PLXNB3: variants seen among roughly 807,000 people sequenced by gnomAD.
PLXNB3 encodes plexin-B3.
Under a neutral mutation model 125.7 loss-of-function variants are expected in PLXNB3, and 80 were observed. The observed-to-expected ratio is 0.64, with a 90% confidence interval of 0.53 to 0.77. The LOEUF (loss-of-function observed/expected upper bound fraction) is 0.77, where lower values mean the gene tolerates loss of function less well. Ranked by LOEUF, PLXNB3 falls within the 30% of genes least tolerant of loss-of-function variation. The pLI is 0.00. For synonymous variants in PLXNB3, 954 were observed against 783.3 expected (o/e 1.22, Z -3.64); for missense variants, 1,836 against 1,729.3 (o/e 1.06, Z -1.09).
Position 153,778,343 on chromosome X carries a change from C to A in PLXNB3, c.5474+18C>A, listed in dbSNP as rs201352968. ...GTGGAGAGGTGGGTGTCAGAGGCATCGGGGCTGCGGGGAAGGGGGCTGCCC... is the reference window on the plus strand; with the variant it reads ...GTGGAGAGGTGGGTGTCAGAGGCATAGGGGCTGCGGGGAAGGGGGCTGCCC... On this transcript the variant is annotated intron_variant, in intron 33 of 35. Coordinates refer to ENST00000361971, the MANE Select transcript of PLXNB3 (RefSeq NM_005393.3). The A allele has an allele frequency of 2.7e-5, 32 of 1,205,435 alleles. 1 individual carries two copies. In the South Asian group the frequency reaches 5.7e-4, roughly 21 times the overall value.
chrX:153,778,194 T>TGGCAGC (rs1216220993), intron 32 of PLXNB3, 67 bp from the exon 33 acceptor site: 1 of 1,192,236 alleles, frequency 8.4e-7, no homozygotes, highest in Non-Finnish European at 1.1e-6. Flanking sequence ...GGGTGGGCAG[T>TGGCAGC]GGCAGCATCA....
chrX:153,778,365 G>T lies in PLXNB3; in HGVS notation c.5475-31G>T, dbSNP rs200254509. Reference sequence around the variant, plus strand: ...CATCGGGGCTGCGGGGAAGGGGGCTGCCCCACCCCTAACGAAGTCTGCTCC... The same window carrying T: ...CATCGGGGCTGCGGGGAAGGGGGCTTCCCCACCCCTAACGAAGTCTGCTCC... On this transcript the variant is annotated intron_variant, in intron 33 of 35. Coordinates refer to ENST00000361971, the MANE Select transcript of PLXNB3 (RefSeq NM_005393.3). The T allele has an allele frequency of 3.1e-5, 38 of 1,207,372 alleles. No individual in the cohort carries two copies. In the Admixed American group the frequency reaches 5.9e-4, roughly 19 times the overall value.
chrX:153,773,365 C>A lies in PLXNB3; in HGVS notation c.3042C>A (p.Asn1014Lys). The part of the protein sequence containing the change: ...LLASPFRYTA[N>K]PQLVAAEPSA... ...CCAGCCCCTTCCGCTACACCGCCAA[C>A]CCCCAGCTTGTAGCGGCGGAGCCCA... Residue 1014 changes from asparagine to lysine, a missense_variant, in exon 18 of 36, where the codon AAC becomes AAA. Physicochemically the swap from Asn to Lys is moderately conservative, Grantham distance 94. Coordinates refer to ENST00000361971, the MANE Select transcript of PLXNB3 (RefSeq NM_005393.3). The A allele has an allele frequency of 8.3e-7, 1 of 1,207,879 alleles. No individual in the cohort carries two copies. The highest frequency in any genetic ancestry group is 1.1e-6 in the Non-Finnish European group (1 of 893,730).
In PLXNB3 at chrX:153,775,326, G is replaced by A. The variant is rs146834242; in HGVS notation, c.4257G>A (p.Leu1419=). Residue 1419 remains leucine, a synonymous_variant, in exon 25 of 36, where the codon CTG becomes CTA. Coordinates refer to ENST00000361971, the MANE Select transcript of PLXNB3 (RefSeq NM_005393.3). ...CGCTACACGGCAAGCTGGAGTACCT[G>A]ACGGACATCATGAGGACCCTGCTGG... ...SLALHGKLEY[L]TDIMRTLLGD... is the part of the protein sequence containing the mutation. The A allele has an allele frequency of 4.1e-6, 5 of 1,210,746 alleles. No individual in the cohort carries two copies. Among genetic ancestry groups the A allele is most frequent in the Non-Finnish European group, 5.6e-6 (5 of 895,174 alleles).
rs782775126 is a variant in PLXNB3 at position 153,765,502 on chromosome X, A to C, written c.-34A>C. 8.5e-7 allele frequency: 1 copy of C among 1,178,794 alleles called. No individual in the cohort carries two copies. The highest frequency in any genetic ancestry group is 1.1e-6 in the Non-Finnish European group (1 of 878,269). ...GCCCCCCCGCAGCCATCTCATGCCC[A>C]TCGCCACTGCCCTGGGGCAGCTGAA... On this transcript the variant is annotated 5_prime_UTR_variant, in exon 2 of 36. Coordinates refer to ENST00000361971, the MANE Select transcript of PLXNB3 (RefSeq NM_005393.3).
At chrX:153,765,330 C>T (rs2148409542) in intron 1 of PLXNB3, 141 bp from the exon 2 acceptor site, 1 of 468,062 alleles carries the variant, frequency 2.1e-6, no homozygotes, top group Non-Finnish European at 3.7e-6. Flanking sequence ...GCAGGGCTGC[C>T]TTGGCCTGGC....
Position 153,766,881 on chromosome X carries a change from G to T in PLXNB3, c.54G>T (p.Val18=). The change falls in exon 3 of 36, where the codon GTG becomes GTT. Residue 18 remains valine (V), a synonymous_variant. Transcript: ENST00000361971. ...CCTGTGCCCTCTCACAGGCCCCCGT[G>T]ATGGCTCGCTGGCCTCCCTTCGGCC... is the stretch of plus-strand genomic sequence containing the variant. ...TPLLHHFMAP[V]MARWPPFGLC... is the part of the protein sequence containing the mutation. The T allele has an allele frequency of 8.3e-7, 1 of 1,198,520 alleles. No individual in the cohort carries two copies. The highest frequency in any genetic ancestry group is 1.8e-5 in the South Asian group (1 of 55,360).
Position 153,778,587 on chromosome X carries a change from G to A in PLXNB3, c.5551-13G>A, listed in dbSNP as rs781906230. On this transcript the variant is annotated splice_polypyrimidine_tract_variant and intron_variant, in intron 34 of 35. Transcript: ENST00000361971. ...CTGGGACCTCACTGCCCCCCTCCACGTGGTGCCCCCAGAACTACACTTCTG... is the reference window on the plus strand; with the variant it reads ...CTGGGACCTCACTGCCCCCCTCCACATGGTGCCCCCAGAACTACACTTCTG... 7 of 1,195,317 alleles carry A rather than the reference G, an allele frequency of 5.9e-6. No homozygotes were observed. The highest frequency in any genetic ancestry group is 3.5e-5 in the African/African-American group (2 of 57,045).
In PLXNB3 at chrX:153,767,217, G is replaced by A; in HGVS notation, c.390G>A (p.Val130=). ...TGAGCAGCCGCGCCCAGGAGCTGGTGGCCTGCGGGCAGGTGCGGCAGGGCG... is the reference window on the plus strand; with the variant it reads ...TGAGCAGCCGCGCCCAGGAGCTGGTAGCCTGCGGGCAGGTGCGGCAGGGCG... The part of the protein sequence containing the change: ...LLVSSRAQEL[V]ACGQVRQGVC... The change falls in exon 3 of 36, where the codon GTG becomes GTA. Residue 130 remains valine, a synonymous_variant. Transcript: ENST00000361971. 1 of 1,205,312 alleles carries A rather than the reference G, an allele frequency of 8.3e-7. No homozygotes were observed. The highest frequency in any genetic ancestry group is 1.1e-6 in the Non-Finnish European group (1 of 892,501).
Position 153,776,432 on chromosome X carries a change from G to C in PLXNB3, c.4806G>C (p.Lys1602Asn), listed in dbSNP as rs200030126. Residue 1602 changes from lysine (K) to asparagine (N), a missense_variant, in exon 28 of 36, where the codon AAG becomes AAC. Lys to Asn is a moderately conservative substitution (Grantham distance 94). Coordinates refer to ENST00000361971, the MANE Select transcript of PLXNB3 (RefSeq NM_005393.3). The part of the protein sequence containing the change: ...DLTSVTQNHW[K>N]RLNTLQHYKV... ...CCTCCGTGACCCAAAACCACTGGAA[G>C]AGACTCAACACCTTGCAACACTACA... 8.6e-7 allele frequency: 1 copy of C among 1,165,293 alleles called. No individual in the cohort carries two copies. Among genetic ancestry groups the C allele is most frequent in the Non-Finnish European group, 1.2e-6 (1 of 865,075 alleles).
chrX:153,776,411 C>A lies in PLXNB3; in HGVS notation c.4785C>A (p.Ser1595=). 8.4e-7 allele frequency: 1 copy of A among 1,188,653 alleles called. No individual in the cohort carries two copies. Among genetic ancestry groups the A allele is most frequent in the Non-Finnish European group, 1.1e-6 (1 of 883,996 alleles). ...CCCTATCGGACGAAGACTTGACCTCCGTGACCCAAAACCACTGGAAGAGAC... is the reference window on the plus strand; with the variant it reads ...CCCTATCGGACGAAGACTTGACCTCAGTGACCCAAAACCACTGGAAGAGAC... ...HLTLSDEDLT[S]VTQNHWKRLN... The change falls in exon 28 of 36, where the codon TCC becomes TCA. Residue 1595 remains serine, a synonymous_variant. Transcript: ENST00000361971.
At chrX:153,771,426 A>G (rs782152121) in intron 13 of PLXNB3, 23 bp downstream of exon 13, 3 of 1,206,126 alleles carry the variant, frequency 2.5e-6, no homozygotes, top group Admixed American at 4.3e-5. Context: ...GCAGCCAGGC[A>G]GGCGGGGCAG....
Position 153,769,068 on chromosome X carries a change from G to A in PLXNB3, c.1387G>A (p.Ala463Thr), listed in dbSNP as rs988278268. The A allele has an allele frequency of 2.5e-6, 3 of 1,208,373 alleles. No individual in the cohort carries two copies. Among genetic ancestry groups the A allele is most frequent in the Admixed American group, 2.2e-5 (1 of 45,884 alleles). The change falls in exon 5 of 36, where the codon GCC (alanine) becomes ACC (threonine). Residue 463 changes from alanine (A) to threonine (T), a missense_variant. Transcript: ENST00000361971. ...SSGSHLYVLT[A>T]HQVDRIPVAA... ...TGGCAGTCACCTCTATGTCCTGACT[G>A]CCCACCAGGTGAGGGCCATCCTGGG...
rs782602004 is a variant in PLXNB3, at chrX:153,774,500, G to A, written c.3759G>A (p.Glu1253=). 1.4e-5 allele frequency: 17 copies of A among 1,206,666 alleles called. No individual in the cohort carries two copies. Among genetic ancestry groups the A allele is most frequent in the South Asian group, 7.1e-5 (4 of 56,129 alleles). ...AEPPLSAFPV[E]AQAGVGMGAA... The stretch of plus-strand genomic sequence containing the variant: ...CCCCGCTGTCTGCCTTTCCCGTGGA[G>A]GCCCAGGCAGGCGTGGGCATGGGTG... The change falls in exon 22 of 36, where the codon GAG becomes GAA. Residue 1253 remains glutamate (E), a synonymous_variant. Transcript: ENST00000361971.
rs1557059525 is a variant in PLXNB3, at chrX:153,767,165, C to A, written c.338C>A (p.Thr113Asn). ...GCCGAGTGCCCACAGGCCCAGCTCA[C>A]TGACAATGCCAACCAGCTGCTGCTG... ...DPAECPQAQLTDNANQLLLVS... is the reference protein window; with the variant it reads ...DPAECPQAQLNDNANQLLLVS... The change falls in exon 3 of 36, where the codon ACT becomes AAT. Residue 113 changes from threonine to asparagine, a missense_variant. Coordinates refer to ENST00000361971, the MANE Select transcript of PLXNB3 (RefSeq NM_005393.3). 1 of 1,207,957 alleles carries A rather than the reference C, an allele frequency of 8.3e-7. No homozygotes were observed. Among genetic ancestry groups the A allele is most frequent in the Non-Finnish European group, 1.1e-6 (1 of 894,085 alleles).
chrX:153,768,016 C>A, intron 3 of PLXNB3, 103 bp downstream of exon 3: 1 of 916,550 alleles, frequency 1.1e-6, no homozygotes. Context: ...AACCTCTCAG[C>A]CAGGGGTCAG....
Position 153,773,402 on chromosome X carries a change from C to A in PLXNB3, c.3079C>A (p.Arg1027=). 8.3e-7 allele frequency: 1 copy of A among 1,201,201 alleles called. No individual in the cohort carries two copies. The highest frequency in any genetic ancestry group is 1.1e-6 in the Non-Finnish European group (1 of 890,146). ...LVAAEPSASF[R]GGGRLIRVRG... ...AGCGGCGGAGCCCAGTGCCAGCTTC[C>A]GGGGGTGAGGGTCAGCCCGCAGGCC... is the stretch of plus-strand genomic sequence containing the variant. Residue 1027 remains arginine (R), a synonymous_variant, in exon 18 of 36, where the codon CGG becomes AGG. Transcript: ENST00000361971.
At position 153,774,222 on chromosome X, in the gene PLXNB3, G is replaced by A. The variant is rs781865230; in HGVS notation, c.3556G>A (p.Val1186Met). 4.2e-6 allele frequency: 5 copies of A among 1,202,309 alleles called. No homozygotes were observed. The highest frequency in any genetic ancestry group is 4.5e-6 in the Non-Finnish European group (4 of 894,406). ...GLNLGISKEEVRVHIGRGECL... is the reference protein window; with the variant it reads ...GLNLGISKEEMRVHIGRGECL... ...CAACCTGGGCATCAGCAAGGAGGAG[G>A]TGCGCGTGCACATCGGCCGCGGCGA... The change falls in exon 21 of 36, where the codon GTG becomes ATG. Residue 1186 changes from valine to methionine, a missense_variant. Physicochemically the swap from Val to Met is conservative, Grantham distance 21 (BLOSUM62 1). Coordinates refer to ENST00000361971, the MANE Select transcript of PLXNB3 (RefSeq NM_005393.3).
chrX:153,777,967 G>T lies in PLXNB3; in HGVS notation c.5281G>T (p.Val1761Leu). Residue 1761 changes from valine to leucine, a missense_variant, in exon 32 of 36, where the codon GTG becomes TTG. Coordinates refer to ENST00000361971, the MANE Select transcript of PLXNB3 (RefSeq NM_005393.3). ...KTNSLLLRFWVNALKNPQLIF... is the reference protein window; with the variant it reads ...KTNSLLLRFWLNALKNPQLIF... ...CCCCAGTCTGCTGCTGCGGTTCTGG[G>T]TGAATGCCTTGAAGAACCCACAGCT... 8.3e-7 allele frequency: 1 copy of T among 1,210,530 alleles called. No homozygotes were observed. The highest frequency in any genetic ancestry group is 1.1e-6 in the Non-Finnish European group (1 of 894,684).
Sources: gnomAD v4.1 joint callset for allele counts on GRCh38, gnomAD v4.1.1 for gene constraint, MANE v1.5 for transcripts, NCBI Gene and HGNC (gene_info 2026-07-23, HGNC 2026-07-21) for gene names.